Variants in DPYSL3 observed in about 807,000 individuals in gnomAD.
DPYSL3 encodes dihydropyrimidinase like 3.
DPYSL3 carries 16 observed loss-of-function variants against 66.1 expected under a neutral mutation model. The observed-to-expected ratio is 0.24, with a 90% CI of 0.16 to 0.37. The LOEUF (loss-of-function observed/expected upper bound fraction) is 0.37. Among genes scored for constraint, DPYSL3 ranks in the 10% least tolerant of loss-of-function variants. The pLI, the probability that DPYSL3 is intolerant of heterozygous loss-of-function variation, is 1.00. For missense variants in DPYSL3, 738 were observed against 916.2 expected, an observed-to-expected ratio of 0.81 and a Z score of 2.51; for synonymous variants, 338 against 345.1, an observed-to-expected ratio of 0.98 and a Z score of 0.23.
At chr5:147,405,025 T>C (rs1416309882) in intron 8 of DPYSL3, among the ~76,000 whole-genome samples, 2 of 152,170 alleles carry the variant, frequency 1.3e-5, no homozygotes, top group East Asian at 3.9e-4. Flanking sequence ...AGGTGTATTT[T>C]ACTTTCCCAT....
chr5:147,410,401 T>C (rs1561776969), intron 6 of DPYSL3, among the ~76,000 whole-genome samples: 1 of 152,200 alleles, frequency 6.6e-6, no homozygotes, highest in Non-Finnish European at 1.5e-5. Flanking sequence ...TAGGAAGTCC[T>C]ATTCTGAAGC....
chr5:147,414,885 C>T (rs1204196578), intron 4 of DPYSL3, among the ~76,000 whole-genome samples: 1 of 152,138 alleles, frequency 6.6e-6, no homozygotes, highest in African/African-American at 2.4e-5. Flanking sequence ...TTCTTGCACA[C>T]TATGACATTT....
intron 2 of DPYSL3, among the ~76,000 whole-genome samples, chr5:147,422,471 T>C (rs1035041725): frequency 6.6e-6 from 1 of 152,120 alleles, no homozygotes; most frequent in Non-Finnish European, 1.5e-5. Flanking sequence ...GAACCAGAAA[T>C]AGCATTTGGC....
chr5:147,453,861 T>A, intron 1 of DPYSL3: 1 of 760,008 alleles, frequency 1.3e-6, no homozygotes, highest in Non-Finnish European at 1.8e-6. Flanking sequence ...TTTTTTTTCT[T>A]TTGCTGCGCC....
At chr5:147,465,767 A>C (rs1168004710) in intron 1 of DPYSL3, among the ~76,000 whole-genome samples, 1 of 152,210 alleles carries the variant, frequency 6.6e-6, no homozygotes, top group Non-Finnish European at 1.5e-5. Flanking sequence ...AGAATTCTAA[A>C]GGGTTATCCC....
intron 3 of DPYSL3, among the ~76,000 whole-genome samples, chr5:147,416,469 GT>G (rs1308989606): frequency 6.6e-6 from 1 of 152,136 alleles, no homozygotes; most frequent in African/African-American, 2.4e-5. Context: ...CAAGAATCTG[GT>G]TTCTTTGAGG....
chr5:147,436,905 T>G (rs1337580499), intron 1 of DPYSL3, among the ~76,000 whole-genome samples: 1 of 152,206 alleles, frequency 6.6e-6, no homozygotes, highest in Non-Finnish European at 1.5e-5. Flanking sequence ...AGACTAAGAA[T>G]AATTTTGAGG....
intron 1 of DPYSL3, among the ~76,000 whole-genome samples, chr5:147,484,953 A>T (rs532985381): frequency 6.6e-6 from 1 of 152,230 alleles, no homozygotes; most frequent in African/African-American, 2.4e-5. Context: ...GTTTCTCACC[A>T]GCATCGTTCC....
At chr5:147,434,733 T>C (rs1429361894) in intron 1 of DPYSL3, among the ~76,000 whole-genome samples, 7 of 132,646 alleles carry the variant, frequency 5.3e-5, no homozygotes, top group Non-Finnish European at 1.1e-4. Flanking sequence ...TGGTTACCAG[T>C]TGGGGCGGGG....
At chr5:147,434,401 T>C (rs1752376973) in intron 1 of DPYSL3, among the ~76,000 whole-genome samples, 1 of 152,196 alleles carries the variant, frequency 6.6e-6, no homozygotes, top group Non-Finnish European at 1.5e-5. Flanking sequence ...CTCTTACATA[T>C]GCGGACTAGA....
At chr5:147,475,133 G>A (rs181764005) in intron 1 of DPYSL3, among the ~76,000 whole-genome samples, 2 of 152,042 alleles carry the variant, frequency 1.3e-5, no homozygotes, top group Admixed American at 6.5e-5. Flanking sequence ...TTACATCCCC[G>A]CAAAAACCTG....
chr5:147,490,572 A>G (rs149424014), intron 1 of DPYSL3, among the ~76,000 whole-genome samples: 1 of 152,220 alleles, frequency 6.6e-6, no homozygotes, highest in Non-Finnish European at 1.5e-5. Context: ...TAGCATGTTA[A>G]GAAGCTTAGA....
At chr5:147,481,746 G>T (rs900510889) in intron 1 of DPYSL3, among the ~76,000 whole-genome samples, 6 of 152,142 alleles carry the variant, frequency 3.9e-5, no homozygotes, top group Admixed American at 3.3e-4. Flanking sequence ...TGCCTCTCTT[G>T]CCCATCTGCC....
At chr5:147,458,219 G>T (rs1000326926) in intron 1 of DPYSL3, among the ~76,000 whole-genome samples, 1 of 152,084 alleles carries the variant, frequency 6.6e-6, no homozygotes, top group South Asian at 2.1e-4. Context: ...CAAGATACAG[G>T]TCATAAAGAC....
intron 1 of DPYSL3, among the ~76,000 whole-genome samples, chr5:147,469,899 T>G (rs1218261218): frequency 6.6e-6 from 1 of 152,196 alleles, no homozygotes; most frequent in East Asian, 1.9e-4. Context: ...TGGTGCACCA[T>G]CTTGATCCTT....
intron 1 of DPYSL3, among the ~76,000 whole-genome samples, chr5:147,431,513 G>T (rs1053898158): frequency 1.3e-5 from 2 of 151,842 alleles, no homozygotes; most frequent in Admixed American, 6.6e-5. Flanking sequence ...AACTCTGCTT[G>T]GCACACTATA....
intron 5 of DPYSL3, 36 bp downstream of exon 5, chr5:147,413,560 C>T (rs1390265022): frequency 6.4e-7 from 1 of 1,558,568 alleles, no homozygotes; most frequent in Admixed American, 1.7e-5. Flanking sequence ...GAAACCCATC[C>T]AGATACCCCA....
In DPYSL3 at chr5:147,509,301, C is replaced by A. The variant is rs544988042; in HGVS notation, c.381+177G>T. Among the ~76,000 whole-genome samples, 1 of 152,196 alleles carries A rather than the reference C, an allele frequency of 6.6e-6. No individual in the cohort carries two copies. Among genetic ancestry groups the A allele is most frequent in the Admixed American group, 6.5e-5 (1 of 15,284 alleles). ...AAGATGCTGCAAGTGGCGACACGCG[C>A]GAATCCAGGGTCTGGGCTAGGAAGT... On this transcript the variant is annotated intron_variant, in intron 1 of 13. Coordinates refer to ENST00000343218, the MANE Select transcript of DPYSL3 (RefSeq NM_001197294.2). The surrounding 1 kb of genome is among the most constrained non-coding windows in gnomAD (Gnocchi z 5.3).
At chr5:147,443,073 G>T (rs1373402066) in intron 1 of DPYSL3, among the ~76,000 whole-genome samples, 1 of 152,158 alleles carries the variant, frequency 6.6e-6, no homozygotes, top group Non-Finnish European at 1.5e-5. Context: ...TACCACTTGG[G>T]TGTTGGTTTT....
Sources: allele counts gnomAD v4.1 joint callset (sites outside exome capture counted in the v4.1 genomes callset), GRCh38; gene constraint gnomAD v4.1.1; non-coding constraint Gnocchi (gnomAD v3.1); transcripts MANE v1.5; gene names NCBI Gene and HGNC (gene_info 2026-07-23, HGNC 2026-07-21).